The following SCFD2 variants were observed in gnomAD, a reference collection of about 807,000 sequenced individuals.
SCFD2 encodes sec1 family domain-containing protein 2.
SCFD2 carries 54 observed loss-of-function variants against 58.9 expected under a neutral mutation model. The observed-to-expected ratio is 0.92, with a 90% CI of 0.74 to 1.15. The LOEUF (loss-of-function observed/expected upper bound fraction) is 1.15. Ranked by LOEUF, SCFD2 falls within the 50% of genes most tolerant of loss-of-function variation. SCFD2 has a pLI of 0.00. For missense variants in SCFD2, 805 were observed against 836.6 expected (o/e 0.96, Z 0.47); for synonymous variants, 321 against 335.9 (o/e 0.96, Z 0.49).
intron 3 of SCFD2, among the ~76,000 whole-genome samples, chr4:53,288,016 G>C (rs1298572511): frequency 2.0e-5 from 3 of 151,990 alleles, no homozygotes; most frequent in African/African-American, 7.3e-5. Context: ...AAGGCAGGAG[G>C]GCTGCTTGAG....
intron 5 of SCFD2, among the ~76,000 whole-genome samples, chr4:53,097,810 G>C (rs902357967): frequency 1.3e-5 from 2 of 152,146 alleles, no homozygotes; most frequent in African/African-American, 2.4e-5. Context: ...CAAAGGCAAT[G>C]CTTCCAGTTT....
At chr4:53,202,954 C>T (rs1185211942) in intron 4 of SCFD2, among the ~76,000 whole-genome samples, 1 of 152,190 alleles carries the variant, frequency 6.6e-6, no homozygotes, top group Non-Finnish European at 1.5e-5. Flanking sequence ...TCTAGATATA[C>T]AATCATGTCA....
chr4:53,112,618 A>G (rs1725205126), intron 5 of SCFD2, among the ~76,000 whole-genome samples: 1 of 152,152 alleles, frequency 6.6e-6, no homozygotes, highest in Admixed American at 6.6e-5. Context: ...AGTTAAGAGC[A>G]CAGGTTTTAG....
intron 8 of SCFD2, among the ~76,000 whole-genome samples, chr4:52,875,727 T>C (rs1221421650): frequency 6.7e-6 from 1 of 148,314 alleles, no homozygotes; most frequent in African/African-American, 2.5e-5. Flanking sequence ...AACAACCTTA[T>C]GAGAAAGTTT....
At chr4:53,010,059 C>T (rs1158452595) in intron 5 of SCFD2, among the ~76,000 whole-genome samples, 1 of 152,114 alleles carries the variant, frequency 6.6e-6, no homozygotes, top group Non-Finnish European at 1.5e-5. Context: ...GATTAGAGAC[C>T]ATCTTATTCT....
intron 2 of SCFD2, among the ~76,000 whole-genome samples, chr4:53,352,215 T>C (rs896966205): frequency 6.6e-6 from 1 of 152,158 alleles, no homozygotes; most frequent in Non-Finnish European, 1.5e-5. Flanking sequence ...GATGGCATGG[T>C]TTCATTGCTG....
intron 4 of SCFD2, among the ~76,000 whole-genome samples, chr4:53,266,824 G>T (rs73147402): frequency 0.01 from 1,546 of 152,322 alleles, 28 homozygotes; most frequent in African/African-American, 0.035. Flanking sequence ...GAGTCATGAA[G>T]ATGCTTTATC....
intron 5 of SCFD2, among the ~76,000 whole-genome samples, chr4:52,964,005 T>A (rs1043710825): frequency 2.0e-5 from 3 of 152,228 alleles, no homozygotes; most frequent in African/African-American, 7.2e-5. Flanking sequence ...ATTACATTTT[T>A]CTCTTGTCAT....
intron 5 of SCFD2, among the ~76,000 whole-genome samples, chr4:52,960,673 C>T (rs1226487606): frequency 6.6e-6 from 1 of 151,476 alleles, no homozygotes; most frequent in African/African-American, 2.4e-5. Context: ...CTGGCCAAAG[C>T]ACATCTTCTT....
chr4:53,230,962 C>T (rs1729418723), intron 4 of SCFD2, among the ~76,000 whole-genome samples: 1 of 151,910 alleles, frequency 6.6e-6, no homozygotes, highest in Non-Finnish European at 1.5e-5. Context: ...CAGGCATATT[C>T]CAAGTGAAGT....
At chr4:52,948,558 T>G (rs1200324366) in intron 5 of SCFD2, 2 of 456,142 alleles carry the variant, frequency 4.4e-6, no homozygotes, top group African/African-American at 4.0e-5. Flanking sequence ...CAAATGTAAG[T>G]CAGTGCTAAT....
intron 2 of SCFD2, among the ~76,000 whole-genome samples, chr4:53,336,658 A>G (rs1021989085): frequency 6.6e-6 from 1 of 152,056 alleles, no homozygotes; most frequent in Non-Finnish European, 1.5e-5. Context: ...CTGAGTAGCT[A>G]GACTACCAGC....
chr4:53,337,969 A>C (rs1371314809), intron 2 of SCFD2, among the ~76,000 whole-genome samples: 2 of 152,220 alleles, frequency 1.3e-5, no homozygotes, highest in Non-Finnish European at 2.9e-5. Context: ...GGGATACAAG[A>C]GGATACAGAA....
chr4:53,017,015 G>GGA (rs1177297426), intron 5 of SCFD2, among the ~76,000 whole-genome samples: 1 of 152,164 alleles, frequency 6.6e-6, no homozygotes, highest in African/African-American at 2.4e-5. Context: ...GGCTGAGGCA[G>GGA]GAGAATTGCT....
chr4:53,115,941 A>G (rs1285764981), intron 5 of SCFD2, among the ~76,000 whole-genome samples: 2 of 152,234 alleles, frequency 1.3e-5, no homozygotes, highest in South Asian at 2.1e-4. Flanking sequence ...TTTTTCTGAT[A>G]TCACTATTTA....
At position 53,365,861 on chromosome 4, in the gene SCFD2, G is replaced by GT. The variant is rs756892295; in HGVS notation, c.80dup (p.Tyr27Ter). 2 of 1,611,640 alleles carry GT rather than the reference G, an allele frequency of 1.2e-6. No homozygotes were observed. Among genetic ancestry groups the GT allele is most frequent in the Non-Finnish European group, 1.7e-6 (2 of 1,179,722 alleles). ...VLAKVKRAVV[Y>*]LDAACAESLH... ...GGCTCTCGGCGCAGGCGGCGTCCAG[G>GT]TAAACCACAGCCCGTTTCACTTTGG... The change falls in exon 1 of 9, where the codon TAC becomes TAAC. Residue 27 changes from tyrosine to a stop codon, truncating the protein, a stop_gained and frameshift_variant. Transcript: ENST00000401642. LOFTEE classifies it high-confidence loss of function. The surrounding 1 kb of genome is among the most constrained non-coding windows in gnomAD (Gnocchi z 4.3).
At chr4:53,224,341 A>G (rs1481429541) in intron 4 of SCFD2, among the ~76,000 whole-genome samples, 1 of 150,078 alleles carries the variant, frequency 6.7e-6, no homozygotes, top group Non-Finnish European at 1.5e-5. Flanking sequence ...GTGAGCCGAG[A>G]TCACCCCACT....
At chr4:53,249,602 A>T (rs1730270274) in intron 4 of SCFD2, among the ~76,000 whole-genome samples, 1 of 152,220 alleles carries the variant, frequency 6.6e-6, no homozygotes, top group African/African-American at 2.4e-5. Context: ...CTCACAGCAG[A>T]TCTCTCGGCA....
chr4:52,953,192 C>T (rs193263681), intron 5 of SCFD2, among the ~76,000 whole-genome samples: 2 of 152,324 alleles, frequency 1.3e-5, no homozygotes, highest in East Asian at 3.9e-4. Flanking sequence ...GGGAGAGTTA[C>T]TATCACTGCC....
Sources: gnomAD v4.1 joint callset for allele counts (sites outside exome capture counted in the v4.1 genomes callset) on GRCh38, gnomAD v4.1.1 for gene constraint, Gnocchi (gnomAD v3.1) non-coding constraint, MANE v1.5 for transcripts, NCBI Gene and HGNC (gene_info 2026-07-23, HGNC 2026-07-21) for gene names.